Variants in AGBL3 observed in about 807,000 individuals in gnomAD.
The protein encoded by AGBL3 is AGBL carboxypeptidase 3, also known as cytosolic carboxypeptidase 3.
AGBL3 carries 68 observed loss-of-function variants against 94.5 expected under a neutral mutation model. The observed-to-expected ratio is 0.72, with a 90% CI of 0.59 to 0.88. AGBL3 has a LOEUF of 0.88. Ranked by LOEUF, AGBL3 falls within the 40% of genes least tolerant of loss-of-function variation. AGBL3 has a pLI of 0.00. For synonymous variants in AGBL3, 354 were observed against 370.7 expected, an observed-to-expected ratio of 0.95 and a Z score of 0.52; for missense variants, 934 against 1,103.8, an observed-to-expected ratio of 0.85 and a Z score of 2.18.
Position 135,095,042 on chromosome 7 carries a change from CCAAGATAGAGT to C in AGBL3, c.2110+13255_2110+13265del, listed in dbSNP as rs1822455052. On this transcript the variant is annotated intron_variant, in intron 15 of 16. Coordinates refer to ENST00000436302, the MANE Select transcript of AGBL3 (RefSeq NM_178563.4). Reference sequence around the variant, plus strand: ...AGCAGTTCAACATGGAGTAAGTAGCCCAAGATAGAGTCACTCATGTTAAGCCTGGAACTCTG... The same window carrying C: ...AGCAGTTCAACATGGAGTAAGTAGCCCACTCATGTTAAGCCTGGAACTCTG... Among the ~76,000 whole-genome samples the C allele has an allele frequency of 3.9e-5, 6 of 152,156 alleles. No homozygotes were observed. In the South Asian group the frequency reaches 1.2e-3, roughly 32 times the overall value.
intron 8 of AGBL3, among the ~76,000 whole-genome samples, chr7:135,040,443 C>T (rs1816738218): frequency 1.3e-5 from 2 of 151,824 alleles, no homozygotes; most frequent in South Asian, 4.2e-4. Context: ...GGGGTTTATC[C>T]CAAAATATAA....
intron 7 of AGBL3, among the ~76,000 whole-genome samples, chr7:135,036,071 A>G (rs1034498795): frequency 2.0e-5 from 3 of 152,044 alleles, no homozygotes; most frequent in Non-Finnish European, 1.5e-5. Flanking sequence ...GAATGTTTAT[A>G]TTTTAGGTTT....
chr7:135,017,201 G>C (rs757523504), intron 5 of AGBL3, 42 bp downstream of exon 5: 9 of 1,362,524 alleles, frequency 6.6e-6, no homozygotes, highest in Non-Finnish European at 9.2e-6. Context: ...ATATAATTTG[G>C]TACTTAGGTT....
intron 12 of AGBL3, among the ~76,000 whole-genome samples, chr7:135,073,805 T>A (rs906305289): frequency 4.6e-5 from 7 of 152,158 alleles, no homozygotes; most frequent in African/African-American, 1.7e-4. Flanking sequence ...GTGCCTTTTT[T>A]ATGCAAATAA....
intron 3 of AGBL3, among the ~76,000 whole-genome samples, chr7:134,989,987 A>G (rs1810022171): frequency 6.6e-6 from 1 of 152,160 alleles, no homozygotes; most frequent in Non-Finnish European, 1.5e-5. Context: ...TTTTGTGGAC[A>G]TTTCCCTGCT....
At chr7:135,053,717 G>A (rs901502482) in intron 11 of AGBL3, among the ~76,000 whole-genome samples, 1 of 152,162 alleles carries the variant, frequency 6.6e-6, no homozygotes, top group Admixed American at 6.5e-5. Flanking sequence ...CAAAGATTTA[G>A]TTAAATTATT....
intron 15 of AGBL3, among the ~76,000 whole-genome samples, chr7:135,098,336 T>C (rs1228286445): frequency 6.6e-6 from 1 of 152,208 alleles, no homozygotes; most frequent in Non-Finnish European, 1.5e-5. Context: ...TCCTCCAGTA[T>C]GCTTTAAGTC....
chr7:135,072,114 A>G (rs1370878169), intron 12 of AGBL3, among the ~76,000 whole-genome samples: 8 of 152,388 alleles, frequency 5.2e-5, no homozygotes, highest in Admixed American at 4.6e-4. Flanking sequence ...ATATGAACAG[A>G]CACTTCTCAA....
chr7:135,043,985 A>T, intron 8 of AGBL3, 40 bp from the exon 9 acceptor site: 2 of 1,535,488 alleles, frequency 1.3e-6, no homozygotes, highest in African/African-American at 1.4e-5. Context: ...AGATATCGGT[A>T]CCAGAACAAC....
At chr7:135,098,611 G>A (rs554096733) in intron 15 of AGBL3, among the ~76,000 whole-genome samples, 1 of 152,256 alleles carries the variant, frequency 6.6e-6, no homozygotes, top group East Asian at 1.9e-4. Flanking sequence ...ATGATACCAG[G>A]AGCAGTGTAA....
chr7:135,044,684 T>C (rs937149214), intron 9 of AGBL3, among the ~76,000 whole-genome samples: 1 of 152,130 alleles, frequency 6.6e-6, no homozygotes, highest in Admixed American at 6.6e-5. Flanking sequence ...GAAATCCATA[T>C]ATGTACTTTT....
intron 5 of AGBL3, among the ~76,000 whole-genome samples, chr7:135,026,700 C>G (rs562715743): frequency 4.7e-4 from 71 of 151,630 alleles, no homozygotes; most frequent in African/African-American, 1.7e-3. Context: ...AATAACTCCC[C>G]GTTTTATTTT....
At chr7:134,993,013 A>T (rs1810494735) in intron 3 of AGBL3, among the ~76,000 whole-genome samples, 1 of 152,194 alleles carries the variant, frequency 6.6e-6, no homozygotes. Flanking sequence ...GCGTGGCCCC[A>T]TACTAGTCTA....
intron 16 of AGBL3, among the ~76,000 whole-genome samples, chr7:135,124,484 C>G (rs1367377688): frequency 6.6e-6 from 1 of 152,158 alleles, no homozygotes; most frequent in Non-Finnish European, 1.5e-5. Context: ...TTAGACAGAT[C>G]AACAAGACAG....
chr7:135,104,753 C>A (rs1344867042), intron 15 of AGBL3, among the ~76,000 whole-genome samples: 1 of 149,642 alleles, frequency 6.7e-6, no homozygotes, highest in Non-Finnish European at 1.5e-5. Flanking sequence ...ATGTCCTTTG[C>A]CCACTTTTTA....
intron 5 of AGBL3, among the ~76,000 whole-genome samples, chr7:135,031,277 T>C (rs1171458839): frequency 6.6e-6 from 1 of 152,168 alleles, no homozygotes; most frequent in Non-Finnish European, 1.5e-5. Context: ...TTATTTATTT[T>C]GAGATGAAGT....
intron 11 of AGBL3, among the ~76,000 whole-genome samples, chr7:135,058,381 G>C (rs369312942): frequency 1.3e-5 from 2 of 152,070 alleles, no homozygotes; most frequent in African/African-American, 4.8e-5. Flanking sequence ...ATTACAATTA[G>C]AAACAGATTT....
chr7:135,105,270 A>G (rs1184085186), intron 15 of AGBL3, among the ~76,000 whole-genome samples: 1 of 152,004 alleles, frequency 6.6e-6, no homozygotes, highest in Non-Finnish European at 1.5e-5. Context: ...GGGTTTCACC[A>G]TGTTGGCCAG....
intron 5 of AGBL3, among the ~76,000 whole-genome samples, chr7:135,021,912 G>C (rs1814530215): frequency 6.6e-6 from 1 of 152,130 alleles, no homozygotes; most frequent in African/African-American, 2.4e-5. Flanking sequence ...GTGAAAACAT[G>C]TGGCGTTTGG....
Sources: gnomAD v4.1 joint callset for allele counts (sites outside exome capture counted in the v4.1 genomes callset) on GRCh38, gnomAD v4.1.1 for gene constraint, MANE v1.5 for transcripts, NCBI Gene and HGNC (gene_info 2026-07-23, HGNC 2026-07-21) for gene names.